Variants in TSPAN5 observed in about 807,000 individuals in gnomAD.
TSPAN5 encodes the protein tetraspanin 5.
A neutral mutation model predicts 37.1 loss-of-function variants in TSPAN5; 10 were observed. That is an observed-to-expected ratio of 0.27 (90% CI 0.17 to 0.46). The LOEUF (loss-of-function observed/expected upper bound fraction) is 0.46, where lower values mean the gene tolerates loss of function less well. Among genes scored for constraint, TSPAN5 ranks in the 20% least tolerant of loss-of-function variants. The pLI, the probability that TSPAN5 is intolerant of heterozygous loss-of-function variation, is 1.00. For synonymous variants in TSPAN5, 110 were observed against 118.9 expected (o/e 0.93, Z 0.48); for missense variants, 195 against 326.6 (o/e 0.60, Z 3.11).
At chr4:98,611,644 G>A (rs141685249) in intron 1 of TSPAN5, among the ~76,000 whole-genome samples, 13 of 152,326 alleles carry the variant, frequency 8.5e-5, no homozygotes, top group South Asian at 2.1e-4. Flanking sequence ...AAGCTGCCTC[G>A]TCTGTGAAGT....
intron 1 of TSPAN5, among the ~76,000 whole-genome samples, chr4:98,591,181 C>A (rs1412537953): frequency 2.0e-5 from 3 of 148,518 alleles, no homozygotes; most frequent in African/African-American, 7.6e-5. Flanking sequence ...AGCTAGTAAA[C>A]ACTTTCAATA....
At chr4:98,579,932 C>T (rs1755332210) in intron 1 of TSPAN5, among the ~76,000 whole-genome samples, 1 of 152,090 alleles carries the variant, frequency 6.6e-6, no homozygotes, top group Non-Finnish European at 1.5e-5. Context: ...CCTATATACC[C>T]AAAATAATGT....
chr4:98,545,491 A>C (rs559291219), intron 1 of TSPAN5, among the ~76,000 whole-genome samples: 6 of 152,246 alleles, frequency 3.9e-5, no homozygotes, highest in African/African-American at 1.4e-4. Context: ...CACACTGCTT[A>C]CTGTTCATGC....
At chr4:98,650,804 A>G (rs1424783169) in intron 1 of TSPAN5, among the ~76,000 whole-genome samples, 2 of 152,228 alleles carry the variant, frequency 1.3e-5, no homozygotes, top group Non-Finnish European at 1.5e-5. Flanking sequence ...AGTTTGGAAC[A>G]TCTTATTCTG....
chr4:98,570,873 C>T (rs577059819), intron 1 of TSPAN5, among the ~76,000 whole-genome samples: 19 of 152,112 alleles, frequency 1.2e-4, no homozygotes, highest in Middle Eastern at 3.4e-3. Context: ...CTGAGCAACG[C>T]GTGCTGGGGC....
At chr4:98,487,928 A>G (rs1460451667) in intron 2 of TSPAN5, among the ~76,000 whole-genome samples, 1 of 152,138 alleles carries the variant, frequency 6.6e-6, no homozygotes, top group Non-Finnish European at 1.5e-5. Flanking sequence ...GTGGATGTGC[A>G]TGGGCCTTAA....
rs368001763 is a variant in TSPAN5, at chr4:98,612,695, C to T, written c.81+45451G>A. Among the ~76,000 whole-genome samples, 23 of 152,148 alleles carry T rather than the reference C, an allele frequency of 1.5e-4. No individual in the cohort carries two copies. The East Asian group carries it at 1.9e-3, about 13-fold the overall frequency. On this transcript the variant is annotated intron_variant, in intron 1 of 7. Transcript: ENST00000305798. ...GAGCACCATCCTCTCCCGCTCCCCG[C>T]GGGGCTCCCCCCGCTCCCCTATCTC...
chr4:98,575,360 G>T (rs1020800749), intron 1 of TSPAN5, among the ~76,000 whole-genome samples: 5 of 149,854 alleles, frequency 3.3e-5, no homozygotes, highest in African/African-American at 4.9e-5. Flanking sequence ...AGGCTGGCGG[G>T]CTCTTTTTTT....
chr4:98,632,824 G>A (rs1756777088), intron 1 of TSPAN5, among the ~76,000 whole-genome samples: 1 of 152,152 alleles, frequency 6.6e-6, no homozygotes, highest in Non-Finnish European at 1.5e-5. Context: ...AAGAGGAGAA[G>A]GGAATAAGGC....
intron 1 of TSPAN5, among the ~76,000 whole-genome samples, chr4:98,622,331 A>G (rs568361715): frequency 2.0e-5 from 3 of 152,288 alleles, no homozygotes; most frequent in African/African-American, 7.2e-5. Context: ...CCCGCCTCAG[A>G]TCCCCAAAGT....
chr4:98,607,410 T>G (rs1004395830), intron 1 of TSPAN5, among the ~76,000 whole-genome samples: 2 of 152,204 alleles, frequency 1.3e-5, no homozygotes, highest in African/African-American at 4.8e-5. Context: ...CCAGAAAGAC[T>G]GTCTTACCTA....
intron 1 of TSPAN5, among the ~76,000 whole-genome samples, chr4:98,598,694 T>G (rs1362726889): frequency 6.6e-6 from 1 of 152,088 alleles, no homozygotes; most frequent in Non-Finnish European, 1.5e-5. Context: ...ACTGCCAAGC[T>G]CAAGCGATCC....
At chr4:98,588,108 TCA>T (rs1317053818) in intron 1 of TSPAN5, among the ~76,000 whole-genome samples, 1 of 152,178 alleles carries the variant, frequency 6.6e-6, no homozygotes. Context: ...ATATTCTGTG[TCA>T]CACTTTTCAG....
rs1560550874 is a variant in TSPAN5, at chr4:98,592,439, T to TTA, written c.81+65706_81+65707insTA. Among the ~76,000 whole-genome samples the TTA allele has an allele frequency of 2.7e-5, 4 of 148,990 alleles. No homozygotes were observed. The South Asian group carries it at 8.5e-4, about 32-fold the overall frequency. ...GATCTCTGTTTTTTGTTTTTTTTTT[T>TTA]TTTTTTTTTATTATACTCTAAGTTT... On this transcript the variant is annotated intron_variant, in intron 1 of 7. Transcript: ENST00000305798.
chr4:98,484,752 C>T (rs1752924061), intron 3 of TSPAN5: 2 of 348,988 alleles, frequency 5.7e-6, no homozygotes, highest in Admixed American at 7.7e-5. Context: ...ACTTGAGGTC[C>T]GGAGTTCAAG....
At chr4:98,525,980 A>G (rs1473032633) in intron 1 of TSPAN5, among the ~76,000 whole-genome samples, 1 of 152,238 alleles carries the variant, frequency 6.6e-6, no homozygotes, top group Non-Finnish European at 1.5e-5. Flanking sequence ...TGAATAAAAT[A>G]CTGCATATAA....
At chr4:98,560,551 T>C (rs971129529) in intron 1 of TSPAN5, among the ~76,000 whole-genome samples, 1 of 152,210 alleles carries the variant, frequency 6.6e-6, no homozygotes, top group Non-Finnish European at 1.5e-5. Flanking sequence ...CCAAGGCCTG[T>C]CTAGCATGAG....
chr4:98,632,099 C>A (rs1234791449), intron 1 of TSPAN5, among the ~76,000 whole-genome samples: 1 of 152,056 alleles, frequency 6.6e-6, no homozygotes, highest in Non-Finnish European at 1.5e-5. Flanking sequence ...TGTCCTTGAC[C>A]CCTTCCAGTT....
intron 1 of TSPAN5, among the ~76,000 whole-genome samples, chr4:98,645,649 A>G (rs918147898): frequency 6.6e-6 from 1 of 152,186 alleles, no homozygotes; most frequent in Non-Finnish European, 1.5e-5. Context: ...GCTGCTTTAG[A>G]TCAGCTGGCG....
Sources: gnomAD v4.1 joint callset for allele counts (sites outside exome capture counted in the v4.1 genomes callset) on GRCh38, gnomAD v4.1.1 for gene constraint, MANE v1.5 for transcripts, NCBI Gene and HGNC (gene_info 2026-07-23, HGNC 2026-07-21) for gene names.